Variants in STX8 observed in about 807,000 individuals in gnomAD.
The protein encoded by STX8 is syntaxin-8.
In STX8, 23 loss-of-function variants were observed where a neutral mutation model predicts 37.5. That is an observed-to-expected ratio of 0.61 (90% CI 0.44 to 0.87). The LOEUF (loss-of-function observed/expected upper bound fraction) is 0.87. Ranked by LOEUF, STX8 falls within the 40% of genes least tolerant of loss-of-function variation. STX8 has a pLI of 0.00. For synonymous variants in STX8, 115 were observed against 99.1 expected (o/e 1.16, Z -0.95); for missense variants, 313 against 284.7 (o/e 1.10, Z -0.71).
chr17:9,570,541 T>C (rs1327387023), intron 1 of STX8, among the ~76,000 whole-genome samples: 1 of 152,120 alleles, frequency 6.6e-6, no homozygotes, highest in Non-Finnish European at 1.5e-5. Flanking sequence ...CATTCATATA[T>C]ATATATTCAT....
In STX8 at chr17:9,426,632, A is replaced by C. The variant is rs1913641572; in HGVS notation, c.542-47979T>G. Among the ~76,000 whole-genome samples the C allele has an allele frequency of 2.0e-5, 3 of 150,556 alleles. No individual in the cohort carries two copies. The Admixed American group carries it at 2.0e-4, about 10-fold the overall frequency. On this transcript the variant is annotated intron_variant, in intron 6 of 7. Transcript: ENST00000306357. ...AAAAATTAGCCAGGCATGGTGGCAC[A>C]TGCCTGTGGTCTTAGCTACTCAGGA...
Position 9,311,628 on chromosome 17 carries a change from G to A in STX8, c.644-60983C>T, listed in dbSNP as rs2067018644. ...ACAGAGTCTAGTTATTAAGAACACA[G>A]TCAGTCTGAAGCCCAGTTCAACCAC... On this transcript the variant is annotated intron_variant, in intron 7 of 7. Transcript: ENST00000306357. Among the ~76,000 whole-genome samples, 4 of 152,112 alleles carry A rather than the reference G, an allele frequency of 2.6e-5. No homozygotes were observed. In the South Asian group the frequency reaches 8.3e-4, roughly 32 times the overall value.
chr17:9,402,600 C>T (rs528434406), intron 6 of STX8, among the ~76,000 whole-genome samples: 5 of 152,150 alleles, frequency 3.3e-5, no homozygotes, highest in African/African-American at 2.4e-5. Flanking sequence ...TGAAAATGTC[C>T]CAATTTTATA....
At chr17:9,488,301 G>A (rs1324022196) in intron 6 of STX8, among the ~76,000 whole-genome samples, 1 of 147,504 alleles carries the variant, frequency 6.8e-6, no homozygotes, top group Non-Finnish European at 1.5e-5. Flanking sequence ...ACTCCAGCCT[G>A]GGCAACAAGG....
chr17:9,467,287 GAAGTT>G (rs1483646729), intron 6 of STX8: 3 of 152,176 alleles, frequency 2.0e-5, no homozygotes, highest in East Asian at 3.9e-4. Flanking sequence ...GAGGCGTACA[GAAGTT>G]AAGTAATTTG....
At chr17:9,542,099 C>T (rs1466328837) in intron 4 of STX8, among the ~76,000 whole-genome samples, 4 of 151,882 alleles carry the variant, frequency 2.6e-5, no homozygotes, top group Admixed American at 6.6e-5. Context: ...TGGCTCATGG[C>T]TGTAATCCCA....
chr17:9,364,231 G>C (rs1911152836), intron 7 of STX8, among the ~76,000 whole-genome samples: 1 of 152,126 alleles, frequency 6.6e-6, no homozygotes, highest in Admixed American at 6.6e-5. Context: ...CTCCTGAAAT[G>C]AATATCCAGC....
At chr17:9,525,334 T>A (rs546148594) in intron 4 of STX8, among the ~76,000 whole-genome samples, 9 of 151,006 alleles carry the variant, frequency 6.0e-5, no homozygotes, top group East Asian at 5.9e-4. Flanking sequence ...CACATTGATT[T>A]CTCCATTTTC....
chr17:9,417,774 T>C (rs1026738145), intron 6 of STX8, among the ~76,000 whole-genome samples: 10 of 152,292 alleles, frequency 6.6e-5, no homozygotes, highest in African/African-American at 2.4e-4. Context: ...ATGTAATCAA[T>C]CATGCCTATG....
rs58213453 is a variant in STX8 at position 9,360,227 on chromosome 17, C to CTTTTTTTTTTTTTTT, written c.643+18310_643+18324dup. Among the ~76,000 whole-genome samples, 6 of 72,610 alleles carry CTTTTTTTTTTTTTTT rather than the reference C, an allele frequency of 8.3e-5. 2 individuals carry two copies. The highest frequency in any genetic ancestry group is 3.2e-4 in the African/African-American group (6 of 18,702). 47.6% of individuals were successfully genotyped at this position (72,610 alleles called of 152,430 possible). The stretch of plus-strand genomic sequence containing the variant: ...ATACATATAATGTAAAATTAACCGT[C>CTTTTTTTTTTTTTTT]TTTTTTTTTTTTTTTTTTTTTTTTG... On this transcript the variant is annotated intron_variant, in intron 7 of 7. Coordinates refer to ENST00000306357, the MANE Select transcript of STX8 (RefSeq NM_004853.3).
intron 4 of STX8, among the ~76,000 whole-genome samples, chr17:9,543,431 C>A (rs149755823): frequency 1.3e-4 from 20 of 152,090 alleles, no homozygotes; most frequent in African/African-American, 4.6e-4. Context: ...GTAGCTGGGA[C>A]TACAGGTGCC....
At chr17:9,503,635 G>C (rs1298908622) in intron 5 of STX8, among the ~76,000 whole-genome samples, 3 of 152,208 alleles carry the variant, frequency 2.0e-5, no homozygotes, top group Non-Finnish European at 4.4e-5. Context: ...GCCTCCCAAA[G>C]TGTCAGGAGT....
intron 4 of STX8, among the ~76,000 whole-genome samples, chr17:9,524,795 G>GTTTT (rs1905497032): frequency 6.8e-6 from 1 of 147,146 alleles, no homozygotes. Context: ...TTGTTTGTTT[G>GTTTT]AGATGGGGTC....
At chr17:9,392,657 C>T (rs1219028884) in intron 6 of STX8, among the ~76,000 whole-genome samples, 1 of 152,090 alleles carries the variant, frequency 6.6e-6, no homozygotes, top group Non-Finnish European at 1.5e-5. Context: ...TAATGGTGAA[C>T]ACTCTTGAAA....
chr17:9,274,358 G>C (rs925064640), intron 7 of STX8, among the ~76,000 whole-genome samples: 1 of 152,018 alleles, frequency 6.6e-6, no homozygotes, highest in Admixed American at 6.6e-5. Flanking sequence ...GAGTGATATA[G>C]ACATTTGTTT....
intron 7 of STX8, among the ~76,000 whole-genome samples, chr17:9,261,256 G>A (rs758226736): frequency 2.8e-4 from 43 of 152,322 alleles, no homozygotes; most frequent in Non-Finnish European, 5.0e-4. Context: ...GAGACCTCAC[G>A]GCCCGGCCAG....
chr17:9,496,075 CT>C (rs10556314), intron 5 of STX8, among the ~76,000 whole-genome samples: 39,291 of 137,372 alleles, frequency 0.29, 5,980 homozygotes, highest in East Asian at 0.7. Context: ...TTTTCTTTCT[CT>C]TTTTTTTTTT....
intron 5 of STX8, among the ~76,000 whole-genome samples, chr17:9,492,737 C>A: frequency 6.6e-6 from 1 of 152,082 alleles, no homozygotes. Flanking sequence ...TCACTTGAAG[C>A]CAGGAGTTCA....
At chr17:9,308,272 G>C (rs1269478432) in intron 7 of STX8, among the ~76,000 whole-genome samples, 1 of 152,188 alleles carries the variant, frequency 6.6e-6, no homozygotes, top group East Asian at 1.9e-4. Context: ...GATAGGGCAG[G>C]ACCCCTTTGG....
Sources: gnomAD v4.1 joint callset for allele counts (sites outside exome capture counted in the v4.1 genomes callset) on GRCh38, gnomAD v4.1.1 for gene constraint, MANE v1.5 for transcripts, NCBI Gene and HGNC (gene_info 2026-07-23, HGNC 2026-07-21) for gene names.